CDH11: variants seen among roughly 807,000 people sequenced by gnomAD.
CDH11 encodes cadherin 11, also known as cadherin-11.
In CDH11, 11 loss-of-function variants were observed where a neutral mutation model predicts 67.8. The observed-to-expected ratio is 0.16, with a 90% CI of 0.10 to 0.27. CDH11 has a LOEUF of 0.27. Among genes scored for constraint, CDH11 ranks in the 10% least tolerant of loss-of-function variants. The pLI is 1.00. For missense variants in CDH11, 847 were observed against 1,031.2 expected, an observed-to-expected ratio of 0.82 and a Z score of 2.45; for synonymous variants, 419 against 400.0, an observed-to-expected ratio of 1.05 and a Z score of -0.57.
chr16:64,968,610 G>C (rs1032627652), intron 11 of CDH11: 1 of 960,840 alleles, frequency 1.0e-6, no homozygotes, highest in East Asian at 1.2e-4. Context: ...TAAAAAGCTT[G>C]TGTGTATTAA....
At position 64,998,573 on chromosome 16, in the gene CDH11, C is replaced by T. The variant is rs756528586; in HGVS notation, c.512G>A (p.Arg171Lys). The change falls in exon 4 of 13, where the codon AGG becomes AAG. Residue 171 changes from arginine to lysine, a missense_variant. Arg to Lys is a conservative substitution (Grantham distance 26, BLOSUM62 2). This residue lies in a region of CDH11 where 235 missense variants were observed against 352.5 expected (regional missense o/e 0.67). Coordinates refer to ENST00000268603, the MANE Select transcript of CDH11 (RefSeq NM_001797.4). ...CACACCGTACGCACCCACATTGGAC[C>T]TCTCAGGCACGTTGGCATGATAGGT... The part of the protein sequence containing the change: ...HETYHANVPE[R>K]SNVGTSVIQV... 6.2e-7 allele frequency: 1 copy of T among 1,613,952 alleles called. No individual in the cohort carries two copies. Among genetic ancestry groups the T allele is most frequent in the South Asian group, 1.1e-5 (1 of 91,064 alleles).
intron 2 of CDH11, among the ~76,000 whole-genome samples, chr16:65,014,327 A>T (rs776545471): frequency 9.9e-5 from 15 of 152,254 alleles, no homozygotes; most frequent in Non-Finnish European, 1.6e-4. Context: ...AGTTCAAAAA[A>T]TCAGTGAACT....
intron 1 of CDH11, among the ~76,000 whole-genome samples, chr16:65,071,790 A>G (rs2074421695): frequency 1.3e-5 from 2 of 152,180 alleles, no homozygotes; most frequent in South Asian, 4.1e-4. Flanking sequence ...CTCTGAATCA[A>G]AGGAAGATCG....
intron 11 of CDH11, among the ~76,000 whole-genome samples, chr16:64,963,229 G>A (rs2071720166): frequency 6.6e-6 from 1 of 152,076 alleles, no homozygotes; most frequent in Non-Finnish European, 1.5e-5. Flanking sequence ...AAGAACAGAT[G>A]GGCAATGTAA....
chr16:64,971,417 A>G (rs918729400), intron 11 of CDH11, among the ~76,000 whole-genome samples, 162 bp downstream of exon 11: 2 of 152,216 alleles, frequency 1.3e-5, no homozygotes, highest in African/African-American at 2.4e-5. Context: ...GCATGCATCA[A>G]ATGAGCCCAT....
intron 2 of CDH11, among the ~76,000 whole-genome samples, chr16:65,034,296 A>C (rs1202606191): frequency 1.3e-5 from 2 of 152,204 alleles, no homozygotes; most frequent in Admixed American, 6.5e-5. Context: ...CTTGATTTTG[A>C]AATTGTAGCC....
At chr16:65,019,822 C>G (rs1027231252) in intron 2 of CDH11, among the ~76,000 whole-genome samples, 1 of 151,736 alleles carries the variant, frequency 6.6e-6, no homozygotes, top group East Asian at 1.9e-4. Flanking sequence ...TTTTATGAAC[C>G]TTCCACAACT....
At chr16:65,119,938 G>T (rs1253046326) in intron 1 of CDH11, among the ~76,000 whole-genome samples, 1 of 152,134 alleles carries the variant, frequency 6.6e-6, no homozygotes, top group Non-Finnish European at 1.5e-5. Context: ...TTTCACAGAG[G>T]TTCGAATTCC....
At chr16:64,960,245 C>A (rs539262947) in intron 11 of CDH11, among the ~76,000 whole-genome samples, 1 of 152,140 alleles carries the variant, frequency 6.6e-6, no homozygotes, top group East Asian at 1.9e-4. Flanking sequence ...GATTTGTTCT[C>A]TTTTTCATCC....
At chr16:64,976,734 C>T (rs2072179846) in intron 8 of CDH11, among the ~76,000 whole-genome samples, 1 of 152,098 alleles carries the variant, frequency 6.6e-6, no homozygotes, top group South Asian at 2.1e-4. Flanking sequence ...TGGCACACAC[C>T]TATAATCCCA....
intron 5 of CDH11, 129 bp from the exon 6 acceptor site, chr16:64,992,064 G>A: frequency 1.7e-6 from 1 of 598,514 alleles, no homozygotes; most frequent in Non-Finnish European, 2.8e-6. Context: ...ATTTCAACAT[G>A]GTAATTACAA....
intron 3 of CDH11, among the ~76,000 whole-genome samples, chr16:65,004,403 T>C (rs1402090597): frequency 2.6e-5 from 4 of 152,196 alleles, no homozygotes; most frequent in Non-Finnish European, 5.9e-5. Flanking sequence ...TTTTATGATA[T>C]AACTCCCTAA....
rs1410309653 is a variant in CDH11, at chr16:65,121,791, G to T, written c.-298+89C>A. ...ACCGTCCCCCTCACCACCCCGCCCC[G>T]CCAAGACATTCTCTTCCTGAGAAAA... On this transcript the variant is annotated intron_variant, in intron 1 of 12. Transcript: ENST00000268603. The surrounding 1 kb of genome is among the most constrained non-coding windows in gnomAD (Gnocchi z 4.1). 56 of 559,540 alleles carry T rather than the reference G, an allele frequency of 1.0e-4. 2 individuals carry two copies. Among genetic ancestry groups the T allele is most frequent in the South Asian group, 8.5e-4 (55 of 64,362 alleles). The allele number at this position is 559,540 out of a possible 1,614,324, so 34.7% of individuals were successfully genotyped here. A position where few individuals can be genotyped will look rare whatever the true frequency, so the allele number is the denominator to read the frequency against.
chr16:65,090,273 T>C (rs139954501), intron 1 of CDH11, among the ~76,000 whole-genome samples: 73 of 152,270 alleles, frequency 4.8e-4, no homozygotes, highest in African/African-American at 1.5e-3. Context: ...TCCAACATTG[T>C]GTTCCTGCTT....
chr16:64,952,393 G>A (rs985910270), intron 11 of CDH11, among the ~76,000 whole-genome samples: 1 of 152,164 alleles, frequency 6.6e-6, no homozygotes, highest in African/African-American at 2.4e-5. Context: ...TCCAAGGCCA[G>A]AAACACAGCA....
intron 12 of CDH11, chr16:64,948,416 G>T: frequency 1.6e-6 from 1 of 614,110 alleles, no homozygotes; most frequent in Non-Finnish European, 2.9e-6. Context: ...TTCTAAATAT[G>T]TTGGTCTGTA....
chr16:64,944,782 T>C lies in CDH11; in HGVS notation c.*2821A>G, dbSNP rs35151. 1 allele frequency: 230,605 copies of C among 231,084 alleles called. 115,064 individuals are homozygous for C. The highest frequency in any genetic ancestry group is 1 in the Middle Eastern group (764 of 764). The allele number at this position is 231,084 out of a possible 1,614,324, so 14.3% of individuals were successfully genotyped here. A position where few individuals can be genotyped will look rare whatever the true frequency, so the allele number is the denominator to read the frequency against. On this transcript the variant is annotated 3_prime_UTR_variant, in exon 13 of 13. Coordinates refer to ENST00000268603, the MANE Select transcript of CDH11 (RefSeq NM_001797.4). ...CCAGAATTGCCACAGCTGGCCTAAT[T>C]TCCGCTCACACTCTATATCTCACCA...
intron 11 of CDH11, among the ~76,000 whole-genome samples, chr16:64,958,490 T>C (rs1157346211): frequency 6.6e-6 from 1 of 152,210 alleles, no homozygotes; most frequent in Non-Finnish European, 1.5e-5. Flanking sequence ...TTGTTACTTT[T>C]ACATACATTA....
rs76079674 is a variant in CDH11 at position 64,953,223 on chromosome 16, G to A, written c.1643-2205C>T. Among the ~76,000 whole-genome samples, 805 of 151,670 alleles carry A rather than the reference G, an allele frequency of 5.3e-3. 9 individuals are homozygous for A. Among genetic ancestry groups the A allele is most frequent in the African/African-American group, 0.018 (763 of 41,400 alleles). ...AAATGTGGAACCCATGAATATGGAAGGCCTACTACAATTTATTTTCCGTTA... is the reference window on the plus strand; with the variant it reads ...AAATGTGGAACCCATGAATATGGAAAGCCTACTACAATTTATTTTCCGTTA... On this transcript the variant is annotated intron_variant, in intron 11 of 12. Transcript: ENST00000268603.
Sources: allele counts gnomAD v4.1 joint callset (sites outside exome capture counted in the v4.1 genomes callset), GRCh38; gene constraint gnomAD v4.1.1; regional missense constraint gnomAD v4.1.1; non-coding constraint Gnocchi (gnomAD v3.1); transcripts MANE v1.5; gene names NCBI Gene and HGNC (gene_info 2026-07-23, HGNC 2026-07-21).